Variants in LOC400499 observed in about 807,000 individuals in gnomAD.
chr16:11,456,876 G>T, the LOC400499 span: 1 of 1,536,242 alleles, frequency 6.5e-7, no homozygotes, highest in Non-Finnish European at 8.7e-7. Context: ...CTTCCACAGG[G>T]TGGCCCGAGA....
chr16:11,524,341 C>G, the LOC400499 span, among the ~76,000 whole-genome samples: 1 of 147,330 alleles, frequency 6.8e-6, no homozygotes, highest in Non-Finnish European at 1.5e-5. Context: ...CACTCTCCCT[C>G]CTATCCATCC....
the LOC400499 span, among the ~76,000 whole-genome samples, chr16:11,420,434 G>A: frequency 1.1e-3 from 154 of 137,270 alleles, no homozygotes; most frequent in African/African-American, 4.0e-3. Context: ...TCACACTCGG[G>A]GGACTGTTGT....
the LOC400499 span, among the ~76,000 whole-genome samples, chr16:11,388,493 G>C: frequency 8.5e-5 from 13 of 152,172 alleles, no homozygotes; most frequent in African/African-American, 3.1e-4. Flanking sequence ...CCACCAGCAT[G>C]GAAGAAGGAG....
chr16:11,449,092 C>A, the LOC400499 span: 3 of 1,458,302 alleles, frequency 2.1e-6, no homozygotes, highest in African/African-American at 1.4e-5. Context: ...TGTGCCAAGA[C>A]TGTCACTGTG....
At chr16:11,526,750 C>A in the LOC400499 span, among the ~76,000 whole-genome samples, 1 of 152,116 alleles carries the variant, frequency 6.6e-6, no homozygotes, top group Admixed American at 6.5e-5. Flanking sequence ...CTCACTCTGT[C>A]GCCCAAGTTG....
chr16:11,521,640 G>A, the LOC400499 span, among the ~76,000 whole-genome samples: 1 of 152,086 alleles, frequency 6.6e-6, no homozygotes, highest in Non-Finnish European at 1.5e-5. Context: ...ATGGCTCTCA[G>A]TCCACCCCTA....
At chr16:11,393,625 C>T in the LOC400499 span, 3 of 1,205,988 alleles carry the variant, frequency 2.5e-6, no homozygotes, top group South Asian at 4.2e-5. Flanking sequence ...CTCCCCTGCC[C>T]GCCCCAGGCT....
chr16:11,408,970 A>C, the LOC400499 span, among the ~76,000 whole-genome samples: 1 of 151,966 alleles, frequency 6.6e-6, no homozygotes, highest in Non-Finnish European at 1.5e-5. Flanking sequence ...GTATAATAAA[A>C]TGTTGGGGGG....
the LOC400499 span, chr16:11,443,241 T>G: frequency 3.3e-6 from 1 of 306,686 alleles, no homozygotes; most frequent in South Asian, 2.5e-5. Flanking sequence ...GGAGAATCAC[T>G]TGAACCCAGG....
the LOC400499 span, among the ~76,000 whole-genome samples, chr16:11,492,158 G>A: frequency 6.6e-6 from 1 of 152,092 alleles, no homozygotes; most frequent in Non-Finnish European, 1.5e-5. Flanking sequence ...CACACAGGAG[G>A]CCTTTAAATG....
the LOC400499 span, chr16:11,462,323 A>G: frequency 4.1e-6 from 6 of 1,451,914 alleles, no homozygotes; most frequent in Non-Finnish European, 5.4e-6. Context: ...CCTCAGTGTC[A>G]CCTGGGAGGA....
At chr16:11,403,245 C>T in the LOC400499 span, among the ~76,000 whole-genome samples, 2 of 152,328 alleles carry the variant, frequency 1.3e-5, no homozygotes, top group South Asian at 2.1e-4. Context: ...CCCAGAGACA[C>T]TGGCACTGGC....
chr16:11,405,367 T>TACAAAGCTAG, the LOC400499 span, among the ~76,000 whole-genome samples: 1 of 152,286 alleles, frequency 6.6e-6, no homozygotes, highest in Middle Eastern at 3.4e-3. Flanking sequence ...CAAGACCTGG[T>TACAAAGCTAG]CCTGGCCCTT....
chr16:11,375,453 A>G, the LOC400499 span, among the ~76,000 whole-genome samples: 5 of 141,014 alleles, frequency 3.5e-5, 1 homozygote, highest in African/African-American at 8.5e-5. Context: ...AGCTGGGACT[A>G]CAGGCATACA....
chr16:11,429,105 C>T, the LOC400499 span, among the ~76,000 whole-genome samples: 2 of 152,096 alleles, frequency 1.3e-5, no homozygotes, highest in African/African-American at 4.8e-5. Context: ...ACCTGTGTCC[C>T]CAACAACCCT....
chr16:11,463,118 A>G, the LOC400499 span, among the ~76,000 whole-genome samples: 55 of 152,342 alleles, frequency 3.6e-4, no homozygotes, highest in African/African-American at 1.2e-3. Flanking sequence ...AGACCTGGCC[A>G]TGGGAAGACA....
At chr16:11,462,365 C>G in the LOC400499 span, 2 of 1,407,700 alleles carry the variant, frequency 1.4e-6, no homozygotes, top group South Asian at 3.1e-5. Flanking sequence ...GCCCTTACCA[C>G]ACGAACTGGG....
chr16:11,414,482 G>A, the LOC400499 span: 7 of 399,996 alleles, frequency 1.8e-5, no homozygotes, highest in Non-Finnish European at 3.1e-5. Flanking sequence ...CCACCATGGA[G>A]GGCCACCCTG....
chr16:11,393,154 A>ACCC, the LOC400499 span, among the ~76,000 whole-genome samples: 17 of 129,386 alleles, frequency 1.3e-4, no homozygotes, highest in African/African-American at 3.8e-4. Context: ...ACGCCTGGCC[A>ACCC]CCCCCCCCCC....
Sources: gnomAD v4.1 joint callset for allele counts (sites outside exome capture counted in the v4.1 genomes callset) on GRCh38, gnomAD v4.1.1 for gene constraint, MANE v1.5 for transcripts.